The following ARHGEF6 variants were observed in gnomAD, a reference collection of about 807,000 sequenced individuals.
The protein encoded by ARHGEF6 is rho guanine nucleotide exchange factor 6.
Under a neutral mutation model 70.3 loss-of-function variants are expected in ARHGEF6, and 9 were observed. The observed-to-expected ratio is 0.13, with a 90% CI of 0.08 to 0.22. The LOEUF is 0.22. Among genes scored for constraint, ARHGEF6 ranks in the 10% least tolerant of loss-of-function variants. The pLI, the probability that ARHGEF6 is intolerant of heterozygous loss-of-function variation, is 1.00. For synonymous variants in ARHGEF6, 201 were observed against 207.8 expected (o/e 0.97, Z 0.28); for missense variants, 470 against 563.0 (o/e 0.83, Z 1.67).
intron 19 of ARHGEF6, 84 bp from the exon 20 acceptor site, chrX:136,672,203 A>G (rs1179764485): frequency 1.4e-6 from 1 of 739,252 alleles, no homozygotes; most frequent in Non-Finnish European, 2.1e-6. Flanking sequence ...CTTTTCCACT[A>G]TTGTTACAGA....
chrX:136,690,620 C>T lies in ARHGEF6; in HGVS notation c.1175G>A (p.Arg392Gln), dbSNP rs942797542. The change falls in exon 10 of 22, where the codon CGG (arginine) becomes CAG (glutamine). Residue 392 changes from arginine (R) to glutamine (Q), a missense_variant. By Grantham distance (43) the Arg-to-Gln change is conservative. Transcript: ENST00000250617. The part of the protein sequence containing the change: ...KYVTLLQELE[R>Q]HMEDTHPDHQ... ...TTCACCTTCCCTTACCTCCATATGC[C>T]GTTCTAACTCTTGCAAGAGAGTAAC... 2 of 1,210,670 alleles carry T rather than the reference C, an allele frequency of 1.7e-6. No individual in the cohort carries two copies. Among genetic ancestry groups the T allele is most frequent in the Non-Finnish European group, 2.2e-6 (2 of 895,106 alleles).
intron 2 of ARHGEF6, among the ~76,000 whole-genome samples, chrX:136,758,371 T>C (rs1212268848): frequency 9.0e-6 from 1 of 110,619 alleles, no homozygotes; most frequent in Non-Finnish European, 1.9e-5. Flanking sequence ...TTATTTTTTT[T>C]TTAAGAATAT....
At chrX:136,733,187 A>C (rs1201642502) in intron 5 of ARHGEF6, among the ~76,000 whole-genome samples, 2 of 110,320 alleles carry the variant, frequency 1.8e-5, no homozygotes, top group Non-Finnish European at 3.8e-5. Flanking sequence ...CAGTGTCACA[A>C]CATAGCATCT....
intron 2 of ARHGEF6, among the ~76,000 whole-genome samples, chrX:136,758,028 A>ATTTTT (rs1569421949): frequency 5.7e-4 from 17 of 29,742 alleles, no homozygotes; most frequent in Middle Eastern, 0.026. Context: ...CTAAAAATAA[A>ATTTTT]TTCTTTTTTT....
chrX:136,721,390 C>T (rs1303536275), intron 6 of ARHGEF6, among the ~76,000 whole-genome samples: 1 of 110,966 alleles, frequency 9.0e-6, no homozygotes, highest in Non-Finnish European at 1.9e-5. Flanking sequence ...TGGTGAGACC[C>T]TGTCTCTACA....
chrX:136,686,594 G>GTGTATA (rs1303999821), intron 11 of ARHGEF6, among the ~76,000 whole-genome samples: 3 of 57,122 alleles, frequency 5.3e-5, no homozygotes, highest in East Asian at 5.1e-4. Context: ...GTATGTGTGT[G>GTGTATA]TATATATATA....
chrX:136,736,623 G>GTA (rs1396937394), intron 5 of ARHGEF6, among the ~76,000 whole-genome samples: 162 of 109,153 alleles, frequency 1.5e-3, no homozygotes, highest in African/African-American at 5.0e-3. Context: ...AAAGAGGTGT[G>GTA]TGTGTGTGTG....
intron 2 of ARHGEF6, 39 bp from the exon 3 acceptor site, chrX:136,747,631 G>A: frequency 1.3e-6 from 1 of 743,931 alleles, no homozygotes; most frequent in Non-Finnish European, 1.9e-6. Flanking sequence ...GACACTACAA[G>A]TATTCAACTC....
chrX:136,756,478 T>C (rs1228120453), intron 2 of ARHGEF6, among the ~76,000 whole-genome samples: 2 of 111,739 alleles, frequency 1.8e-5, no homozygotes, highest in Non-Finnish European at 3.8e-5. Context: ...TTTTCAACCG[T>C]TTTTGTTGTA....
intron 5 of ARHGEF6, among the ~76,000 whole-genome samples, chrX:136,739,981 T>C (rs2077026066): frequency 9.0e-6 from 1 of 110,721 alleles, no homozygotes; most frequent in Non-Finnish European, 1.9e-5. Flanking sequence ...TTTATTGAGA[T>C]GGGGAGCCAT....
In ARHGEF6 at chrX:136,687,958, C is replaced by T. The variant is rs1321730823; in HGVS notation, c.1219G>A (p.Ala407Thr). ...THPDHQDILKAIVAFKTLMGQ... is the reference protein window; with the variant it reads ...THPDHQDILKTIVAFKTLMGQ... ...ATGAGAGTTTTGAATGCTACGATTG[C>T]TTTCAGAATATCCTGATGATCTGGA... Residue 407 changes from alanine (A) to threonine (T), a missense_variant, in exon 11 of 22, where the codon GCA (alanine) becomes ACA (threonine). Ala to Thr is a moderately conservative substitution (Grantham distance 58). Transcript: ENST00000250617. The T allele has an allele frequency of 1.7e-6, 2 of 1,207,500 alleles. No individual in the cohort carries two copies. Among genetic ancestry groups the T allele is most frequent in the East Asian group, 3.0e-5 (1 of 33,838 alleles).
In ARHGEF6 at chrX:136,680,742, T is replaced by A; in HGVS notation, c.1693A>T (p.Ser565Cys). ...CATGGACTACTTACAGAATGAGCAC[T>A]ACATGATGACGATGAGGTTTTGGAT... ...SLSKTSSSSC[S>C]AHSSFSSTGQ... is the part of the protein sequence containing the mutation. Residue 565 changes from serine to cysteine, a missense_variant, in exon 15 of 22, where the codon AGT becomes TGT. Ser to Cys is a moderately radical substitution (Grantham distance 112, BLOSUM62 -1). Around this residue, in one of 3 missense-constraint regions of ARHGEF6, gnomAD observed 379 missense variants for 449.3 expected, o/e 0.84. Transcript: ENST00000250617. 2 of 1,211,862 alleles carry A rather than the reference T, an allele frequency of 1.7e-6. No individual in the cohort carries two copies. The highest frequency in any genetic ancestry group is 1.1e-6 in the Non-Finnish European group (1 of 895,379).
At chrX:136,777,787 C>CACACACACACACACA (rs767698755) in intron 2 of ARHGEF6, among the ~76,000 whole-genome samples, 1 of 109,244 alleles carries the variant, frequency 9.2e-6, no homozygotes, top group African/African-American at 3.3e-5. Flanking sequence ...CACACACACA[C>CACACACACACACACA]CATGGAATAC....
chrX:136,719,195 A>T (rs755581699), intron 6 of ARHGEF6, among the ~76,000 whole-genome samples: 12 of 110,000 alleles, frequency 1.1e-4, no homozygotes, highest in African/African-American at 4.0e-4. Context: ...GCATCTATAG[A>T]CTACTTTATC....
intron 6 of ARHGEF6, among the ~76,000 whole-genome samples, chrX:136,727,305 GTCTTTCTTTCTTTCTTTCTTTT>G (rs1370336231): frequency 3.0e-5 from 2 of 67,443 alleles, no homozygotes; most frequent in Non-Finnish European, 5.2e-5. Context: ...GATGTCTGTA[GTCTTTCTTTCTTTCTTTCTTTT>G]TCTTTCTTTC....
intron 7 of ARHGEF6, 64 bp downstream of exon 7, chrX:136,713,208 GAATA>G: frequency 1.1e-6 from 1 of 885,108 alleles, no homozygotes; most frequent in Non-Finnish European, 1.7e-6. Context: ...AGTGACATAA[GAATA>G]ATGATTCCAT....
intron 15 of ARHGEF6, among the ~76,000 whole-genome samples, chrX:136,680,151 T>C (rs1241633938): frequency 8.9e-6 from 1 of 112,706 alleles, no homozygotes; most frequent in African/African-American, 3.2e-5. Context: ...AAAACTGGAA[T>C]TTTGGCATCA....
At position 136,780,802 on chromosome X, in the gene ARHGEF6, C is replaced by T. The variant is rs772128457; in HGVS notation, c.81G>A (p.Pro27=). 2.4e-5 allele frequency: 29 copies of T among 1,208,819 alleles called. No individual in the cohort carries two copies. The highest frequency in any genetic ancestry group is 5.3e-5 in the African/African-American group (3 of 56,854). Residue 27 remains proline (P), a synonymous_variant, in exon 1 of 22, where the codon CCG becomes CCA. Coordinates refer to ENST00000250617, the MANE Select transcript of ARHGEF6 (RefSeq NM_004840.3). ...LESPKKTICD[P]EEFLKSSLKN... ...TCAGCGAGGACTTTAAAAACTCCTCCGGATCACAGATGGTCTTTTTAGGGG... is the reference window on the plus strand; with the variant it reads ...TCAGCGAGGACTTTAAAAACTCCTCTGGATCACAGATGGTCTTTTTAGGGG...
At chrX:136,683,066 A>G (rs1011634502) in intron 12 of ARHGEF6, among the ~76,000 whole-genome samples, 15 of 112,100 alleles carry the variant, frequency 1.3e-4, no homozygotes, top group African/African-American at 4.2e-4. Context: ...CTTCTTATAC[A>G]TAACAATTAA....
Sources: allele counts gnomAD v4.1 joint callset (sites outside exome capture counted in the v4.1 genomes callset), GRCh38; gene constraint gnomAD v4.1.1; regional missense constraint gnomAD v4.1.1; transcripts MANE v1.5; gene names NCBI Gene and HGNC (gene_info 2026-07-23, HGNC 2026-07-21).